DCTN4: variants seen among roughly 807,000 people sequenced by gnomAD.
DCTN4 encodes dynactin 4 (p62).
Under a neutral mutation model 62.7 loss-of-function variants are expected in DCTN4, and 23 were observed. The ratio of observed to expected loss-of-function variants is 0.37; its 90% CI spans 0.26 to 0.52. DCTN4 has a LOEUF of 0.52. Ranked by LOEUF, DCTN4 falls within the 20% of genes least tolerant of loss-of-function variation. The pLI is 0.92. For missense variants in DCTN4, 514 were observed against 580.4 expected (o/e 0.89, Z 1.18); for synonymous variants, 199 against 202.1 (o/e 0.98, Z 0.13).
rs751165171 is a variant in DCTN4, at chr5:150,719,802, C to A, written c.909-32G>T. 2.9e-6 allele frequency: 4 copies of A among 1,366,902 alleles called. No individual in the cohort carries two copies. In the South Asian group the frequency reaches 4.9e-5, roughly 17 times the overall value. 84.7% of individuals were successfully genotyped at this position (1,366,902 alleles called of 1,614,324 possible). On this transcript the variant is annotated intron_variant, in intron 9 of 12. Coordinates refer to ENST00000447998, the MANE Select transcript of DCTN4 (RefSeq NM_016221.4). Reference sequence around the variant, plus strand: ...ATAAATAAAAAAATGCATTAATGTTCATTGGAGTCTCTTAAAATTATTATT... The same window carrying A: ...ATAAATAAAAAAATGCATTAATGTTAATTGGAGTCTCTTAAAATTATTATT...
intron 3 of DCTN4, among the ~76,000 whole-genome samples, chr5:150,744,643 C>G (rs1486049802): frequency 4.0e-5 from 6 of 151,312 alleles, no homozygotes; most frequent in African/African-American, 1.2e-4. Context: ...ATTCAACATT[C>G]TTAAAGACAA....
chr5:150,733,269 T>C, intron 5 of DCTN4, 99 bp downstream of exon 5: 1 of 747,922 alleles, frequency 1.3e-6, no homozygotes, highest in Non-Finnish European at 2.2e-6. Flanking sequence ...CTCTCTGATA[T>C]CCACCATTCA....
chr5:150,758,621 A>T, intron 1 of DCTN4: 1 of 1,255,462 alleles, frequency 8.0e-7, no homozygotes. Context: ...TCCCTAAGTC[A>T]AGTTTGTCCA....
At chr5:150,730,609 G>C (rs1375211822) in intron 8 of DCTN4, 22 bp downstream of exon 8, 3 of 1,602,474 alleles carry the variant, frequency 1.9e-6, no homozygotes, top group Non-Finnish European at 2.6e-6. Flanking sequence ...CAAATGGTCA[G>C]TCTACAGAAT....
chr5:150,716,038 A>G (rs986090978), intron 11 of DCTN4, among the ~76,000 whole-genome samples: 1 of 152,048 alleles, frequency 6.6e-6, no homozygotes, highest in African/African-American at 2.4e-5. Context: ...ATGAGTAGCT[A>G]GGACTACAGG....
At position 150,711,133 on chromosome 5, in the gene DCTN4, C is replaced by G. The variant is rs780505866; in HGVS notation, c.*16G>C. On this transcript the variant is annotated 3_prime_UTR_variant, in exon 13 of 13. Coordinates refer to ENST00000447998, the MANE Select transcript of DCTN4 (RefSeq NM_016221.4). ...GGTGATACTGTCCTTTGGGATCTGCCCTCCAGTGGAACCTTTTAAGGAAGA... is the reference window on the plus strand; with the variant it reads ...GGTGATACTGTCCTTTGGGATCTGCGCTCCAGTGGAACCTTTTAAGGAAGA... 2 of 1,610,290 alleles carry G rather than the reference C, an allele frequency of 1.2e-6. No individual in the cohort carries two copies. The highest frequency in any genetic ancestry group is 3.3e-5 in the Admixed American group (2 of 60,024).
At chr5:150,741,457 G>A (rs1311115999) in intron 4 of DCTN4, among the ~76,000 whole-genome samples, 1 of 152,118 alleles carries the variant, frequency 6.6e-6, no homozygotes, top group Non-Finnish European at 1.5e-5. Context: ...TTACAGGCAT[G>A]AGCCACTGCG....
intron 8 of DCTN4, among the ~76,000 whole-genome samples, chr5:150,727,346 CAT>C (rs960336344): frequency 1.3e-5 from 2 of 152,140 alleles, no homozygotes; most frequent in Non-Finnish European, 2.9e-5. Flanking sequence ...AACTTCCAGA[CAT>C]GTTTCCTATA....
chr5:150,719,922 G>A, intron 9 of DCTN4, 152 bp from the exon 10 acceptor site: 1 of 582,036 alleles, frequency 1.7e-6, no homozygotes, highest in Non-Finnish European at 2.9e-6. Context: ...ATCACAGTAA[G>A]AACTTAAGAA....
At chr5:150,732,391 T>TC (rs995969610) in intron 5 of DCTN4, among the ~76,000 whole-genome samples, 3 of 152,250 alleles carry the variant, frequency 2.0e-5, no homozygotes, top group African/African-American at 7.2e-5. Context: ...CCTCAAGTGA[T>TC]CCCCCCGCCT....
At chr5:150,750,372 A>G (rs1752630172) in intron 3 of DCTN4, among the ~76,000 whole-genome samples, 1 of 152,248 alleles carries the variant, frequency 6.6e-6, no homozygotes, top group Admixed American at 6.5e-5. Flanking sequence ...TTACTCTTAC[A>G]TATTACTACT....
chr5:150,722,093 T>C (rs1759973737), intron 9 of DCTN4, among the ~76,000 whole-genome samples: 1 of 152,212 alleles, frequency 6.6e-6, no homozygotes, highest in South Asian at 2.1e-4. Context: ...TCCGAAGTGC[T>C]GGGATCACAA....
intron 9 of DCTN4, 86 bp from the exon 10 acceptor site, chr5:150,719,856 G>A (rs1759896650): frequency 2.5e-6 from 2 of 788,066 alleles, no homozygotes; most frequent in Non-Finnish European, 4.1e-6. Flanking sequence ...AGTACATAAA[G>A]GATTTCATGT....
rs544778159 is a variant in DCTN4, at chr5:150,724,714, T to A, written c.835-1734A>T. ...CCCCAATGATCTACAATGCCATATT[T>A]AGTATATAACAAATTTTCTCATATG... On this transcript the variant is annotated intron_variant, in intron 8 of 12. Coordinates refer to ENST00000447998, the MANE Select transcript of DCTN4 (RefSeq NM_016221.4). Among the ~76,000 whole-genome samples, 8 of 152,318 alleles carry A rather than the reference T, an allele frequency of 5.3e-5. No homozygotes were observed. The South Asian group carries it at 1.7e-3, about 32-fold the overall frequency.
intron 3 of DCTN4, 128 bp from the exon 4 acceptor site, chr5:150,742,285 AACTATAG>A (rs1447053174): frequency 5.0e-5 from 44 of 875,310 alleles, no homozygotes; most frequent in Middle Eastern, 2.8e-4. Context: ...TGGTCTATAT[AACTATAG>A]ACTATAATGT....
chr5:150,734,724 C>T (rs750886742), intron 4 of DCTN4, among the ~76,000 whole-genome samples: 32 of 152,198 alleles, frequency 2.1e-4, no homozygotes, highest in Non-Finnish European at 1.0e-4. Flanking sequence ...GTCCAAAAGG[C>T]TAGCTTGCTT....
At chr5:150,757,750 T>C (rs971177375) in intron 1 of DCTN4, among the ~76,000 whole-genome samples, 3 of 152,244 alleles carry the variant, frequency 2.0e-5, no homozygotes, top group African/African-American at 7.2e-5. Context: ...GAAAAGTATC[T>C]TCAATAAAAT....
rs550614307 is a variant in DCTN4 at position 150,731,375 on chromosome 5, A to C, written c.611+41T>G. Reference sequence around the variant, plus strand: ...TCATTTATTTGATATTCATTTTGATACCTGCTGTTCTCCTCAAAGTCATTT... The same window carrying C: ...TCATTTATTTGATATTCATTTTGATCCCTGCTGTTCTCCTCAAAGTCATTT... On this transcript the variant is annotated intron_variant, in intron 6 of 12. Coordinates refer to ENST00000447998, the MANE Select transcript of DCTN4 (RefSeq NM_016221.4). 9.4e-6 allele frequency: 14 copies of C among 1,491,034 alleles called. No individual in the cohort carries two copies. The South Asian group carries it at 1.6e-4, about 17-fold the overall frequency. 92.4% of individuals were successfully genotyped at this position (1,491,034 alleles called of 1,614,324 possible).
chr5:150,713,769 G>C (rs1438428915), intron 12 of DCTN4, among the ~76,000 whole-genome samples: 5 of 151,734 alleles, frequency 3.3e-5, no homozygotes, highest in South Asian at 2.1e-4. Flanking sequence ...AACCCACCTT[G>C]TTATCTCTTC....
Sources: allele counts gnomAD v4.1 joint callset (sites outside exome capture counted in the v4.1 genomes callset), GRCh38; gene constraint gnomAD v4.1.1; transcripts MANE v1.5; gene names NCBI Gene and HGNC (gene_info 2026-07-23, HGNC 2026-07-21).